CDH4: variants seen among roughly 807,000 people sequenced by gnomAD.
CDH4 encodes cadherin-4.
CDH4 carries 33 observed loss-of-function variants against 86.0 expected under a neutral mutation model. That is an observed-to-expected ratio of 0.38 (90% CI 0.29 to 0.51). The LOEUF (loss-of-function observed/expected upper bound fraction) is 0.51, where lower values mean the gene tolerates loss of function less well. Among genes scored for constraint, CDH4 ranks in the 20% least tolerant of loss-of-function variants. CDH4 has a pLI of 0.86. For missense variants in CDH4, 1,114 were observed against 1,307.4 expected (o/e 0.85, Z 2.28); for synonymous variants, 555 against 549.4 (o/e 1.01, Z -0.14).
chr20:61,420,493 T>C (rs972646069), intron 2 of CDH4, among the ~76,000 whole-genome samples: 2 of 152,256 alleles, frequency 1.3e-5, no homozygotes, highest in African/African-American at 2.4e-5. Flanking sequence ...ACTGTGACTT[T>C]GTCGCCACTG....
chr20:61,706,764 A>T (rs2087835337), intron 2 of CDH4, among the ~76,000 whole-genome samples: 1 of 152,026 alleles, frequency 6.6e-6, no homozygotes, highest in Admixed American at 6.6e-5. Flanking sequence ...TGGGAATCTC[A>T]CCGGAACTGG....
chr20:61,743,825 A>C, intron 3 of CDH4, 36 bp downstream of exon 3: 2 of 1,472,868 alleles, frequency 1.4e-6, no homozygotes, highest in Non-Finnish European at 1.9e-6. Context: ...GCTGGAGTTT[A>C]GATGACCTAG....
chr20:61,434,837 C>T (rs939504244), intron 2 of CDH4: 1 of 152,132 alleles, frequency 6.6e-6, no homozygotes, highest in African/African-American at 2.4e-5. Context: ...TGTCACCGTC[C>T]AGTCATTCCT....
chr20:61,725,279 C>A (rs1224146982), intron 2 of CDH4, among the ~76,000 whole-genome samples: 7 of 152,170 alleles, frequency 4.6e-5, no homozygotes, highest in Non-Finnish European at 7.3e-5. Flanking sequence ...AAGGGCCTTG[C>A]CCCGCACACA....
chr20:61,442,070 C>A (rs778139229), intron 2 of CDH4, among the ~76,000 whole-genome samples: 1 of 152,298 alleles, frequency 6.6e-6, no homozygotes, highest in Admixed American at 6.5e-5. Context: ...ACCACCCAGA[C>A]GCAAATGCCC....
At chr20:61,777,807 C>G (rs1331608206) in intron 4 of CDH4, among the ~76,000 whole-genome samples, 1 of 144,792 alleles carries the variant, frequency 6.9e-6, no homozygotes, top group Admixed American at 6.8e-5. Context: ...CACGTGCATA[C>G]AAAAACACAC....
chr20:61,926,532 G>T (rs903490146), intron 11 of CDH4, among the ~76,000 whole-genome samples: 8 of 152,198 alleles, frequency 5.3e-5, no homozygotes, highest in African/African-American at 1.9e-4. Context: ...GTCTCCCCTT[G>T]AGGGTCCCCT....
rs114812581 is a variant in CDH4, at chr20:61,336,636, C to T, written c.169+81699C>T. Among the ~76,000 whole-genome samples, 538 of 152,304 alleles carry T rather than the reference C, an allele frequency of 3.5e-3. 3 individuals carry two copies. Among genetic ancestry groups the T allele is most frequent in the African/African-American group, 0.012 (500 of 41,572 alleles). ...TTTGGTGGAAGGAAGCCAGGGCCTT[C>T]TATAGCCAGCCTGTAGGATGAAACT... On this transcript the variant is annotated intron_variant, in intron 2 of 15. Transcript: ENST00000614565.
At chr20:61,631,952 G>A (rs1028134595) in intron 2 of CDH4, among the ~76,000 whole-genome samples, 5 of 152,212 alleles carry the variant, frequency 3.3e-5, no homozygotes, top group African/African-American at 1.2e-4. Context: ...GGTGTGGGTG[G>A]AGCCACGCAG....
At chr20:61,604,363 G>T (rs1008637911) in intron 2 of CDH4, among the ~76,000 whole-genome samples, 1 of 152,166 alleles carries the variant, frequency 6.6e-6, no homozygotes, top group African/African-American at 2.4e-5. Context: ...GATGATCTCC[G>T]ATGAGTTATT....
chr20:61,535,486 G>GA (rs1221733408), intron 2 of CDH4, among the ~76,000 whole-genome samples: 7 of 152,356 alleles, frequency 4.6e-5, no homozygotes, highest in Non-Finnish European at 8.8e-5. Flanking sequence ...CAAGCTTGGG[G>GA]AAAAAATCAA....
intron 2 of CDH4, among the ~76,000 whole-genome samples, chr20:61,605,576 T>G (rs1185595968): frequency 3.3e-5 from 5 of 151,966 alleles, no homozygotes; most frequent in Non-Finnish European, 7.4e-5. Context: ...TCTCTCTGTC[T>G]CTGCCTCCCT....
chr20:61,472,870 T>TA (rs1204044679), intron 2 of CDH4, among the ~76,000 whole-genome samples: 1 of 152,210 alleles, frequency 6.6e-6, no homozygotes, highest in African/African-American at 2.4e-5. Flanking sequence ...CTCATTTTGC[T>TA]AAAAAAGAGG....
intron 2 of CDH4, among the ~76,000 whole-genome samples, chr20:61,694,489 G>A (rs2087695539): frequency 6.6e-6 from 1 of 152,098 alleles, no homozygotes; most frequent in Non-Finnish European, 1.5e-5. Context: ...AATCATCCTT[G>A]CCAGATAAAA....
At chr20:61,420,646 G>A (rs1405496257) in intron 2 of CDH4, among the ~76,000 whole-genome samples, 9 of 152,238 alleles carry the variant, frequency 5.9e-5, no homozygotes, top group East Asian at 1.9e-4. Flanking sequence ...AGCCAAAGCC[G>A]TGCTCTGGAA....
At chr20:61,780,439 G>A (rs940925320) in intron 4 of CDH4, among the ~76,000 whole-genome samples, 1 of 152,110 alleles carries the variant, frequency 6.6e-6, no homozygotes, top group African/African-American at 2.4e-5. Flanking sequence ...GGTAATTATT[G>A]TCTGCACCCC....
At chr20:61,871,977 G>A (rs1168714189) in intron 6 of CDH4, among the ~76,000 whole-genome samples, 1 of 152,218 alleles carries the variant, frequency 6.6e-6, no homozygotes, top group Non-Finnish European at 1.5e-5. Context: ...TGTCCTGCCT[G>A]GGTGGAAGGC....
rs763992547 is a variant in CDH4 at position 61,743,512 on chromosome 20, C to T, written c.170-51C>T. The T allele has an allele frequency of 2.9e-5, 42 of 1,428,258 alleles. 1 individual carries two copies. The highest frequency in any genetic ancestry group is 1.4e-4 in the Admixed American group (7 of 50,802). The allele number at this position is 1,428,258 out of a possible 1,614,324, so 88.5% of individuals were successfully genotyped here. On this transcript the variant is annotated intron_variant, in intron 2 of 15. Coordinates refer to ENST00000614565, the MANE Select transcript of CDH4 (RefSeq NM_001794.5). ...CCTGCGTGGTTGCTGCCATTGTTAC[C>T]GCCCTTCTGCTGGCCAAGCCGACCC...
chr20:61,371,505 G>A (rs762945689), intron 2 of CDH4, among the ~76,000 whole-genome samples: 2 of 152,236 alleles, frequency 1.3e-5, no homozygotes, highest in Non-Finnish European at 2.9e-5. Context: ...ACCAGCCGTC[G>A]TATAGGTGGA....
Sources: allele counts gnomAD v4.1 joint callset (sites outside exome capture counted in the v4.1 genomes callset), GRCh38; gene constraint gnomAD v4.1.1; transcripts MANE v1.5; gene names NCBI Gene and HGNC (gene_info 2026-07-23, HGNC 2026-07-21).